PRKN: variants seen among roughly 807,000 people sequenced by gnomAD.
PRKN encodes E3 ubiquitin-protein ligase parkin.
In PRKN, 56 loss-of-function variants were observed where a neutral mutation model predicts 59.5. That is an observed-to-expected ratio of 0.94 (90% CI 0.76 to 1.18). The LOEUF is 1.18. PRKN is among the 50% of genes most tolerant of loss of function. The probability of loss-of-function intolerance (pLI) is 0.00; values close to 1 mark genes in which losing one functional copy is unlikely to be tolerated. For synonymous variants in PRKN, 250 were observed against 222.1 expected (o/e 1.13, Z -1.12); for missense variants, 657 against 596.4 (o/e 1.10, Z -1.06).
chr6:162,628,330 G>C (rs985376957), intron 1 of PRKN, among the ~76,000 whole-genome samples: 1 of 152,144 alleles, frequency 6.6e-6, no homozygotes, highest in African/African-American at 2.4e-5. Flanking sequence ...CTATAATTGT[G>C]AGGCAAAGTA....
At chr6:162,420,959 G>A (rs9365419) in intron 2 of PRKN, among the ~76,000 whole-genome samples, 78,253 of 151,974 alleles carry the variant, frequency 0.51, 20,523 homozygotes, top group East Asian at 0.68. Flanking sequence ...ATACAGTCGA[G>A]CTCAAAGAAA....
intron 7 of PRKN, among the ~76,000 whole-genome samples, chr6:161,648,433 G>T (rs147514659): frequency 6.6e-6 from 1 of 152,250 alleles, no homozygotes; most frequent in East Asian, 1.9e-4. Flanking sequence ...GTAGGGAGGA[G>T]AACAAACACC....
intron 1 of PRKN, among the ~76,000 whole-genome samples, chr6:162,482,219 G>C (rs534152576): frequency 6.6e-6 from 1 of 152,094 alleles, no homozygotes; most frequent in South Asian, 2.1e-4. Flanking sequence ...TTGATACAGG[G>C]CACTGACTTT....
At chr6:162,443,078 CTT>C (rs1350662056) in intron 2 of PRKN, among the ~76,000 whole-genome samples, 3 of 150,824 alleles carry the variant, frequency 2.0e-5, no homozygotes, top group African/African-American at 5.0e-5. Flanking sequence ...CTCGTGTGTT[CTT>C]TCTCTCTCTC....
rs944276724 is a variant in PRKN, at chr6:161,690,143, G to A, written c.871+95629C>T. Among the ~76,000 whole-genome samples, 6 of 152,256 alleles carry A rather than the reference G, an allele frequency of 3.9e-5. No individual in the cohort carries two copies. In the East Asian group the frequency reaches 1.2e-3, roughly 29 times the overall value. Reference sequence around the variant, plus strand: ...TGTAAGGTGGATCCTAAAACATGAGGTCATTATAGGGAGACACCACTCTGT... The same window carrying A: ...TGTAAGGTGGATCCTAAAACATGAGATCATTATAGGGAGACACCACTCTGT... On this transcript the variant is annotated intron_variant, in intron 7 of 11. Coordinates refer to ENST00000366898, the MANE Select transcript of PRKN (RefSeq NM_004562.3).
intron 7 of PRKN, among the ~76,000 whole-genome samples, chr6:161,762,422 T>C (rs1284024615): frequency 1.3e-5 from 2 of 152,050 alleles, no homozygotes; most frequent in African/African-American, 4.8e-5. Context: ...AAGGGTTAAG[T>C]CAGGGTCTTT....
intron 9 of PRKN, among the ~76,000 whole-genome samples, chr6:161,537,703 A>T (rs12526090): frequency 3.3e-5 from 5 of 152,014 alleles, no homozygotes; most frequent in African/African-American, 9.7e-5. Context: ...CGCCCGCCTT[A>T]GCCTCCCAAA....
At chr6:161,987,955 A>G (rs1562440247) in intron 5 of PRKN, among the ~76,000 whole-genome samples, 1 of 152,206 alleles carries the variant, frequency 6.6e-6, no homozygotes, top group Non-Finnish European at 1.5e-5. Context: ...ACATCCCACA[A>G]GGCAAGAAGA....
intron 2 of PRKN, among the ~76,000 whole-genome samples, chr6:162,328,826 T>C (rs1304818766): frequency 6.6e-6 from 1 of 152,116 alleles, no homozygotes; most frequent in Non-Finnish European, 1.5e-5. Flanking sequence ...CAGCCAATGG[T>C]CATGCCCGGT....
chr6:161,651,640 A>C (rs577745100), intron 7 of PRKN, among the ~76,000 whole-genome samples: 1 of 152,206 alleles, frequency 6.6e-6, no homozygotes, highest in Non-Finnish European at 1.5e-5. Context: ...CAGGTTATTA[A>C]GGTATTGCAG....
chr6:162,436,242 TAA>T (rs1250098958), intron 2 of PRKN, among the ~76,000 whole-genome samples: 1 of 139,370 alleles, frequency 7.2e-6, no homozygotes, highest in African/African-American at 2.6e-5. Flanking sequence ...GAAATTTCAA[TAA>T]ATTTAGTTCA....
At chr6:161,541,899 T>G (rs966641761) in intron 9 of PRKN, among the ~76,000 whole-genome samples, 1 of 152,140 alleles carries the variant, frequency 6.6e-6, no homozygotes, top group Non-Finnish European at 1.5e-5. Flanking sequence ...ACAATAAGAA[T>G]AGCTAGTGGT....
At chr6:161,408,513 AC>A (rs2114996819) in intron 9 of PRKN, among the ~76,000 whole-genome samples, 1 of 146,926 alleles carries the variant, frequency 6.8e-6, no homozygotes, top group Non-Finnish European at 1.5e-5. Context: ...CAATTTACTG[AC>A]ATTGTCTAAT....
Position 162,727,651 on chromosome 6 carries a change from T to C in PRKN, c.7+11A>G. 2 of 1,584,466 alleles carry C rather than the reference T, an allele frequency of 1.3e-6. No individual in the cohort carries two copies. Among genetic ancestry groups the C allele is most frequent in the Non-Finnish European group, 1.7e-6 (2 of 1,166,148 alleles). On this transcript the variant is annotated intron_variant, in intron 1 of 11. Coordinates refer to ENST00000366898, the MANE Select transcript of PRKN (RefSeq NM_004562.3). Reference sequence around the variant, plus strand: ...GCGCAGAGAGGCTGTACCTGGCAGGTACCCACGTACCTATCATGGTCACTG... The same window carrying C: ...GCGCAGAGAGGCTGTACCTGGCAGGCACCCACGTACCTATCATGGTCACTG...
At chr6:161,802,491 A>G (rs1562695255) in intron 6 of PRKN, among the ~76,000 whole-genome samples, 1 of 149,792 alleles carries the variant, frequency 6.7e-6, no homozygotes, top group Non-Finnish European at 1.5e-5. Flanking sequence ...CACACCCCAC[A>G]TATGACCCAC....
intron 5 of PRKN, among the ~76,000 whole-genome samples, chr6:161,979,706 A>G (rs940480034): frequency 2.6e-5 from 4 of 152,110 alleles, no homozygotes; most frequent in Admixed American, 6.5e-5. Flanking sequence ...CTTCTCTTTC[A>G]TCATAACTCA....
intron 9 of PRKN, among the ~76,000 whole-genome samples, chr6:161,531,380 C>CA (rs532305875): frequency 0.19 from 22,936 of 118,376 alleles, 1,988 homozygotes; most frequent in South Asian, 0.29. Context: ...GACTCCGTCT[C>CA]AAAAAAAAAA....
chr6:162,675,291 C>T (rs1584028073), intron 1 of PRKN, among the ~76,000 whole-genome samples: 2 of 152,130 alleles, frequency 1.3e-5, no homozygotes, highest in South Asian at 2.1e-4. Context: ...CTCATGATCC[C>T]CCCCGCCTCG....
intron 3 of PRKN, among the ~76,000 whole-genome samples, chr6:162,211,380 C>T (rs956320896): frequency 3.3e-5 from 5 of 152,160 alleles, no homozygotes; most frequent in Non-Finnish European, 5.9e-5. Flanking sequence ...AATTAAGTCT[C>T]ATTTTCAAAG....
Sources: allele counts gnomAD v4.1 joint callset (sites outside exome capture counted in the v4.1 genomes callset), GRCh38; gene constraint gnomAD v4.1.1; transcripts MANE v1.5; gene names NCBI Gene and HGNC (gene_info 2026-07-23, HGNC 2026-07-21).